Variants in XPA observed in about 807,000 individuals in gnomAD.
The protein encoded by XPA is DNA repair protein complementing XP-A cells.
Under a neutral mutation model 35.7 loss-of-function variants are expected in XPA, and 27 were observed. That is an observed-to-expected ratio of 0.76 (90% confidence interval 0.56 to 1.04). XPA has a LOEUF of 1.04. XPA is among the 50% of genes least tolerant of loss of function. The pLI is 0.00. For missense variants in XPA, 354 were observed against 342.7 expected (o/e 1.03, Z -0.26); for synonymous variants, 133 against 118.4 (o/e 1.12, Z -0.80).
chr9:97,692,194 G>A (rs1036885857), intron 2 of XPA, among the ~76,000 whole-genome samples: 4 of 151,820 alleles, frequency 2.6e-5, no homozygotes, highest in African/African-American at 7.3e-5. Context: ...GGGAGGCTGA[G>A]GCAGGAGAAT....
chr9:97,662,512 T>C, the XPA span, among the ~76,000 whole-genome samples: 1 of 152,192 alleles, frequency 6.6e-6, no homozygotes, highest in African/African-American at 2.4e-5. Context: ...AAGGTTGGCA[T>C]CTGAAGACAG....
rs758199478 is a variant in XPA, at chr9:97,687,608, ACAGT to A, written c.390-351_390-348del. On this transcript the variant is annotated intron_variant, in intron 3 of 5. Coordinates refer to ENST00000375128, the MANE Select transcript of XPA (RefSeq NM_000380.4). Reference sequence around the variant, plus strand: ...GCGATGGTGAGGAGTGGTGGGAGATACAGTCAGAGACAGTCAGGACCTTGCAAGC... The same window carrying A: ...GCGATGGTGAGGAGTGGTGGGAGATACAGAGACAGTCAGGACCTTGCAAGC... Among the ~76,000 whole-genome samples the A allele has an allele frequency of 1.4e-4, 22 of 152,330 alleles. 1 individual carries two copies. Among genetic ancestry groups the A allele is most frequent in the East Asian group, 3.9e-4 (2 of 5,182 alleles).
At chr9:97,688,793 A>G (rs1225666819) in intron 3 of XPA, among the ~76,000 whole-genome samples, 1 of 151,594 alleles carries the variant, frequency 6.6e-6, no homozygotes, top group African/African-American at 2.4e-5. Context: ...ATGGCTCCCA[A>G]TGTCTGCAGC....
chr9:97,663,652 T>G, the XPA span, among the ~76,000 whole-genome samples: 5 of 151,676 alleles, frequency 3.3e-5, no homozygotes, highest in African/African-American at 1.2e-4. Context: ...ACCTGGCTGA[T>G]TTTTGTATTT....
downstream of XPA, among the ~76,000 whole-genome samples, chr9:97,674,511 A>ATTTTAACTAACTGGAATTTGT (rs1302643760): frequency 1.5e-4 from 23 of 152,228 alleles, no homozygotes; most frequent in Non-Finnish European, 2.9e-4. Context: ...ATATCAGGTT[A>ATTTTAACTAACTGGAATTTGT]TTTTAACTAA....
intron 5 of XPA, among the ~76,000 whole-genome samples, chr9:97,677,698 A>G (rs1427514305): frequency 1.3e-5 from 2 of 152,130 alleles, no homozygotes; most frequent in South Asian, 2.1e-4. Context: ...TGTCTCAAAG[A>G]AAAAAACAAC....
chr9:97,654,802 G>A, the XPA span: 3 of 1,236,230 alleles, frequency 2.4e-6, no homozygotes, highest in Admixed American at 3.6e-5. Context: ...GACTTGAAAT[G>A]TTTTATTTCT....
the XPA span, chr9:97,669,115 A>C: frequency 2.9e-6 from 3 of 1,037,368 alleles, no homozygotes; most frequent in Non-Finnish European, 4.0e-6. Flanking sequence ...TTTAGGAAGG[A>C]AATAAAAGTT....
intron 3 of XPA, among the ~76,000 whole-genome samples, chr9:97,687,628 C>T (rs1828762187): frequency 6.6e-6 from 1 of 152,018 alleles, no homozygotes; most frequent in South Asian, 2.1e-4. Flanking sequence ...ACAGTCAGGA[C>T]CTTGCAAGCA....
At chr9:97,682,306 C>T (rs1460859517) in intron 5 of XPA, 1 of 518,876 alleles carries the variant, frequency 1.9e-6, no homozygotes. Flanking sequence ...TTTAGACTTG[C>T]TTTTATTCCT....
chr9:97,658,510 T>A, the XPA span: 3 of 687,730 alleles, frequency 4.4e-6, no homozygotes, highest in Non-Finnish European at 5.0e-6. Context: ...AGGATTTTTT[T>A]TTCCCTTTCA....
chr9:97,657,327 T>C, the XPA span, among the ~76,000 whole-genome samples: 3,550 of 152,296 alleles, frequency 0.023, 151 homozygotes, highest in African/African-American at 0.081. Flanking sequence ...TCAGATTCCT[T>C]CAGTCTTGAA....
At chr9:97,680,658 TA>T (rs773779466) in intron 5 of XPA, among the ~76,000 whole-genome samples, 2 of 152,062 alleles carry the variant, frequency 1.3e-5, no homozygotes, top group Admixed American at 6.5e-5. Flanking sequence ...ATCAGGTAAA[TA>T]AAAAAAATTT....
chr9:97,671,284 C>A, downstream of XPA: 1 of 957,654 alleles, frequency 1.0e-6, no homozygotes, highest in Non-Finnish European at 1.6e-6. Context: ...TGCTTGCTTT[C>A]TTGTAGTATC....
At chr9:97,661,954 T>G in the XPA span, 1 of 849,250 alleles carries the variant, frequency 1.2e-6, no homozygotes, top group Non-Finnish European at 1.9e-6. Flanking sequence ...TGTATAGATG[T>G]GAGCAACCAT....
downstream of XPA, among the ~76,000 whole-genome samples, chr9:97,670,878 A>C (rs1828169718): frequency 6.6e-6 from 1 of 152,156 alleles, no homozygotes; most frequent in Non-Finnish European, 1.5e-5. Context: ...GATTTTTTAA[A>C]AAGCTATTGA....
the XPA span, among the ~76,000 whole-genome samples, chr9:97,656,324 G>C: frequency 1.3e-5 from 2 of 152,228 alleles, no homozygotes; most frequent in East Asian, 3.9e-4. Flanking sequence ...GCTCACGCCT[G>C]TAATCCCAGC....
In XPA at chr9:97,675,570, T is replaced by C; in HGVS notation, c.691A>G (p.Arg231Gly). 6.2e-7 allele frequency: 1 copy of C among 1,614,034 alleles called. No individual in the cohort carries two copies. Among genetic ancestry groups the C allele is most frequent in the Non-Finnish European group, 8.5e-7 (1 of 1,179,952 alleles). The change falls in exon 6 of 6, where the codon AGA becomes GGA. Residue 231 changes from arginine to glycine, a missense_variant. Transcript: ENST00000375128. ...GTCTCCCTTTTCCACACGCTGCTTCTTACTGCTCGCCGCAATTCTGAAAAA... is the reference window on the plus strand; with the variant it reads ...GTCTCCCTTTTCCACACGCTGCTTCCTACTGCTCGCCGCAATTCTGAAAAA... ...KKVKELRRAV[R>G]SSVWKRETIV...
intron 5 of XPA, among the ~76,000 whole-genome samples, chr9:97,683,199 C>T (rs1030222901): frequency 1.3e-5 from 2 of 152,182 alleles, no homozygotes; most frequent in African/African-American, 4.8e-5. Context: ...TAACAAAAAA[C>T]CCTAGGCTAG....
Sources: gnomAD v4.1 joint callset for allele counts (sites outside exome capture counted in the v4.1 genomes callset) on GRCh38, gnomAD v4.1.1 for gene constraint, MANE v1.5 for transcripts, NCBI Gene and HGNC (gene_info 2026-07-23, HGNC 2026-07-21) for gene names.